The following MGAT4B variants were observed in gnomAD, a reference collection of about 807,000 sequenced individuals.
The protein encoded by MGAT4B is N-acetylglucosaminyltransferase IVb.
Under a neutral mutation model 73.9 loss-of-function variants are expected in MGAT4B, and 38 were observed. That is an observed-to-expected ratio of 0.51 (90% CI 0.40 to 0.67). The LOEUF (loss-of-function observed/expected upper bound fraction) is 0.67. Ranked by LOEUF, MGAT4B falls within the 30% of genes least tolerant of loss-of-function variation. The pLI is 0.00. For synonymous variants in MGAT4B, 373 were observed against 313.5 expected, an observed-to-expected ratio of 1.19 and a Z score of -2.01; for missense variants, 686 against 735.2, an observed-to-expected ratio of 0.93 and a Z score of 0.77.
rs1325055033 is a variant in MGAT4B, at chr5:179,806,696, C to G, written c.-113G>C. 1 of 130,498 alleles carries G rather than the reference C, an allele frequency of 7.7e-6. No homozygotes were observed. Among genetic ancestry groups the G allele is most frequent in the Non-Finnish European group, 1.4e-5 (1 of 69,438 alleles). 8.1% of individuals were successfully genotyped at this position (130,498 alleles called of 1,614,324 possible). On this transcript the variant is annotated 5_prime_UTR_variant, in exon 1 of 15. Transcript: ENST00000292591. This position sits in a 1 kb window ranked among gnomAD's most constrained non-coding sequence, Gnocchi z 4.6. ...GCGGCGGCGGCAGGGGCCCCGGCCC[C>G]GGGTCGGGGAGGGGCGGGGGGCCCG...
rs556662797 is a variant in MGAT4B, at chr5:179,798,960, G to A, written c.1311C>T (p.Arg437=). The A allele has an allele frequency of 2.5e-6, 4 of 1,613,700 alleles. No individual in the cohort carries two copies. Among genetic ancestry groups the A allele is most frequent in the Non-Finnish European group, 3.4e-6 (4 of 1,180,034 alleles). Residue 437 remains arginine, a synonymous_variant, in exon 11 of 15, where the codon CGC becomes CGT. Transcript: ENST00000292591. The stretch of plus-strand genomic sequence containing the variant: ...GTCTTAGAGGTTGGAAGAAGCGGAA[G>A]CGGATGAAGTCCCCCGCGGCAGGGG... ...AFTPAAGDFI[R]FRFFQPLRLE... is the part of the protein sequence containing the mutation.
At position 179,798,392 on chromosome 5, in the gene MGAT4B, C is replaced by T. The variant is rs537403321; in HGVS notation, c.1465G>A (p.Ala489Thr). ...GGGCTCCGAGGGTACCGGAGGGTGG[C>T]GGTGCGGCCCTCCTGCAGGGCCTCC... is the stretch of plus-strand genomic sequence containing the variant. ...DKEALQEGRTATLRYPRSPDG... is the reference protein window; with the variant it reads ...DKEALQEGRTTTLRYPRSPDG... Residue 489 changes from alanine to threonine, a missense_variant, in exon 13 of 15, where the codon GCC becomes ACC. By Grantham distance (58) the Ala-to-Thr change is moderately conservative. Transcript: ENST00000292591. 266 of 1,612,620 alleles carry T rather than the reference C, an allele frequency of 1.6e-4. No homozygotes were observed. The highest frequency in any genetic ancestry group is 2.1e-4 in the Non-Finnish European group (244 of 1,179,940).
intron 9 of MGAT4B, 61 bp downstream of exon 9, chr5:179,799,445 T>C: frequency 6.2e-7 from 1 of 1,610,924 alleles, no homozygotes; most frequent in Non-Finnish European, 8.5e-7. Flanking sequence ...GGACACAGTT[T>C]GGGGTGGAGG....
Position 179,798,377 on chromosome 5 carries a change from G to A in MGAT4B, c.1480C>T (p.Pro494Ser), listed in dbSNP as rs1211625268. The A allele has an allele frequency of 6.2e-7, 1 of 1,612,944 alleles. No individual in the cohort carries two copies. The highest frequency in any genetic ancestry group is 2.2e-5 in the East Asian group (1 of 44,876). The stretch of plus-strand genomic sequence containing the variant: ...TGGAGGTAGCCGTCGGGGCTCCGAG[G>A]GTACCGGAGGGTGGCGGTGCGGCCC... ...QEGRTATLRY[P>S]RSPDGYLQIG... The change falls in exon 13 of 15, where the codon CCT becomes TCT. Residue 494 changes from proline to serine, a missense_variant. Transcript: ENST00000292591.
chr5:179,798,670 G>A, intron 11 of MGAT4B, 79 bp from the exon 12 acceptor site: 1 of 1,511,592 alleles, frequency 6.6e-7, no homozygotes, highest in South Asian at 1.1e-5. Context: ...AGAAAGGCCA[G>A]GCCTGCGCCA....
chr5:179,801,014 C>G lies in MGAT4B; in HGVS notation c.559-61G>C. ...TGCTGCCCCAAAAGGCCTGGAAGGG[C>G]TTGGAGAAGGGGCACAGGCTTCAGA... On this transcript the variant is annotated intron_variant, in intron 4 of 14. Coordinates refer to ENST00000292591, the MANE Select transcript of MGAT4B (RefSeq NM_014275.5). This position sits in a 1 kb window ranked among gnomAD's most constrained non-coding sequence, Gnocchi z 4.8. 10 of 1,585,712 alleles carry G rather than the reference C, an allele frequency of 6.3e-6. No homozygotes were observed. Among genetic ancestry groups the G allele is most frequent in the Non-Finnish European group, 8.7e-6 (10 of 1,155,354 alleles).
chr5:179,799,367 C>T lies in MGAT4B; in HGVS notation c.1042-57G>A. Reference sequence around the variant, plus strand: ...GCTTAGCCCTCCTTCCTCAACACGGCCTCTCCTGGGGACTACCAGGGCCCT... The same window carrying T: ...GCTTAGCCCTCCTTCCTCAACACGGTCTCTCCTGGGGACTACCAGGGCCCT... On this transcript the variant is annotated intron_variant, in intron 9 of 14. Coordinates refer to ENST00000292591, the MANE Select transcript of MGAT4B (RefSeq NM_014275.5). The T allele has an allele frequency of 3.7e-6, 6 of 1,604,148 alleles. No homozygotes were observed. In the Admixed American group the frequency reaches 5.1e-5, roughly 14 times the overall value.
At chr5:179,802,366 G>A (rs1562618660) in intron 1 of MGAT4B, 10 of 1,285,630 alleles carry the variant, frequency 7.8e-6, no homozygotes, top group South Asian at 2.2e-5. Flanking sequence ...TCCCTCCAGC[G>A]GGTGGGCTAC....
chr5:179,799,175 C>G (rs1756796928), intron 10 of MGAT4B, 28 bp downstream of exon 10: 4 of 1,613,836 alleles, frequency 2.5e-6, no homozygotes, highest in Non-Finnish European at 3.4e-6. Flanking sequence ...TTGATCCCGG[C>G]CTAGGGAGAG....
At position 179,800,222 on chromosome 5, in the gene MGAT4B, T is replaced by C. The variant is rs1756850478; in HGVS notation, c.757A>G (p.Met253Val). Residue 253 changes from methionine to valine, a missense_variant, in exon 7 of 15, where the codon ATG (methionine) becomes GTG (valine). By Grantham distance (21) the Met-to-Val change is conservative (BLOSUM62 1). This residue lies in a region of MGAT4B where 449 missense variants were observed against 536.8 expected (regional missense o/e 0.84). Transcript: ENST00000292591. Reference sequence around the variant, plus strand: ...ATGCCTTTGGACTGCGCGTACATCATGAGGAAGCAGTAATCGAGGTTCTGT... The same window carrying C: ...ATGCCTTTGGACTGCGCGTACATCACGAGGAAGCAGTAATCGAGGTTCTGT... ...TKQNLDYCFLMMYAQSKGIYY... is the reference protein window; with the variant it reads ...TKQNLDYCFLVMYAQSKGIYY... 6.2e-7 allele frequency: 1 copy of C among 1,613,372 alleles called. No homozygotes were observed.
In MGAT4B at chr5:179,798,958, A is replaced by G; in HGVS notation, c.1313T>C (p.Phe438Ser). ...FTPAAGDFIR[F>S]RFFQPLRLER... Reference sequence around the variant, plus strand: ...CAGTCTTAGAGGTTGGAAGAAGCGGAAGCGGATGAAGTCCCCCGCGGCAGG... The same window carrying G: ...CAGTCTTAGAGGTTGGAAGAAGCGGGAGCGGATGAAGTCCCCCGCGGCAGG... Residue 438 changes from phenylalanine to serine, a missense_variant, in exon 11 of 15, where the codon TTC (phenylalanine) becomes TCC (serine). By Grantham distance (155) the Phe-to-Ser change is radical. Coordinates refer to ENST00000292591, the MANE Select transcript of MGAT4B (RefSeq NM_014275.5). 6.2e-7 allele frequency: 1 copy of G among 1,613,676 alleles called. No homozygotes were observed. The highest frequency in any genetic ancestry group is 8.5e-7 in the Non-Finnish European group (1 of 1,180,030).
chr5:179,799,165 T>C, intron 10 of MGAT4B, 38 bp downstream of exon 10: 1 of 1,613,950 alleles, frequency 6.2e-7, no homozygotes, highest in Non-Finnish European at 8.5e-7. Flanking sequence ...GGCCCCGACC[T>C]TGATCCCGGC....
Position 179,801,437 on chromosome 5 carries a change from C to T in MGAT4B, c.455G>A (p.Arg152Gln), listed in dbSNP as rs1268305011. 1 of 1,609,808 alleles carries T rather than the reference C, an allele frequency of 6.2e-7. No individual in the cohort carries two copies. Among genetic ancestry groups the T allele is most frequent in the Non-Finnish European group, 8.5e-7 (1 of 1,177,446 alleles). Residue 152 changes from arginine to glutamine, a missense_variant, in exon 4 of 15, where the codon CGG becomes CAG. Arg to Gln is a conservative substitution (Grantham distance 43). This residue lies in a region of MGAT4B where 449 missense variants were observed against 536.8 expected (regional missense o/e 0.84). Transcript: ENST00000292591. The surrounding 1 kb of genome is among the most constrained non-coding windows in gnomAD (Gnocchi z 4.8). Reference protein sequence around the residue: ...VSVVMGIPSVRREVHSYLTDT... With the variant: ...VSVVMGIPSVQREVHSYLTDT... ...AGTCAGGTACGAGTGCACCTCGCGC[C>T]GCACGCTCGGGATGCCCATCACCAC...
chr5:179,797,850 G>T lies in MGAT4B; in HGVS notation c.*195C>A, dbSNP rs1043343783. 1.5e-5 allele frequency: 11 copies of T among 710,600 alleles called. No homozygotes were observed. The South Asian group carries it at 2.2e-4, about 14-fold the overall frequency. 44.0% of individuals were successfully genotyped at this position (710,600 alleles called of 1,614,324 possible). ...AGTGTGGGGGCCGCCTGCCTCCTCCGCGGCCCGGCGGGCGGGGGCAGCACC... is the reference window on the plus strand; with the variant it reads ...AGTGTGGGGGCCGCCTGCCTCCTCCTCGGCCCGGCGGGCGGGGGCAGCACC... On this transcript the variant is annotated 3_prime_UTR_variant, in exon 15 of 15. Coordinates refer to ENST00000292591, the MANE Select transcript of MGAT4B (RefSeq NM_014275.5).
rs760940543 is a variant in MGAT4B at position 179,799,320 on chromosome 5, G to A, written c.1042-10C>T. 8.1e-6 allele frequency: 13 copies of A among 1,613,158 alleles called. No individual in the cohort carries two copies. The highest frequency in any genetic ancestry group is 1.7e-5 in the Admixed American group (1 of 59,962). ...GCCGGTCACAGTGCTTCTGTGGAGG[G>A]TGGGCAACACCCCAGGGCTCGGCTT... On this transcript the variant is annotated splice_polypyrimidine_tract_variant and intron_variant, in intron 9 of 14. Coordinates refer to ENST00000292591, the MANE Select transcript of MGAT4B (RefSeq NM_014275.5).
At chr5:179,798,630 C>T (rs747059371) in intron 11 of MGAT4B, 39 bp from the exon 12 acceptor site, 74 of 1,604,530 alleles carry the variant, frequency 4.6e-5, no homozygotes, top group Non-Finnish European at 5.8e-5. Flanking sequence ...GCAGGGGCAG[C>T]GTTCCAGCAC....
At position 179,801,764 on chromosome 5, in the gene MGAT4B, C is replaced by T. The variant is rs780937459; in HGVS notation, c.283+20G>A. ...AACCAGCCCGCCCCCGCCTTTTCCC[C>T]CTCCCGCCCCAGACCTCACCTGTTA... On this transcript the variant is annotated intron_variant, in intron 2 of 14. Coordinates refer to ENST00000292591, the MANE Select transcript of MGAT4B (RefSeq NM_014275.5). The surrounding 1 kb of genome is among the most constrained non-coding windows in gnomAD (Gnocchi z 4.8). 1.0e-5 allele frequency: 16 copies of T among 1,564,776 alleles called. No individual in the cohort carries two copies. The highest frequency in any genetic ancestry group is 5.4e-5 in the African/African-American group (4 of 74,304).
At position 179,798,149 on chromosome 5, in the gene MGAT4B, C is replaced by A; in HGVS notation, c.1623+16G>T. The A allele has an allele frequency of 6.3e-7, 1 of 1,588,950 alleles. No homozygotes were observed. Among genetic ancestry groups the A allele is most frequent in the Non-Finnish European group, 8.6e-7 (1 of 1,167,912 alleles). ...TGGCTGCTCCCCGTGCCTGGCCTGGCCCTGCCCAGCCTCACCTCGCTCAGA... is the reference window on the plus strand; with the variant it reads ...TGGCTGCTCCCCGTGCCTGGCCTGGACCTGCCCAGCCTCACCTCGCTCAGA... On this transcript the variant is annotated intron_variant, in intron 14 of 14. Transcript: ENST00000292591.
At position 179,798,945 on chromosome 5, in the gene MGAT4B, T is replaced by C. The variant is rs781571069; in HGVS notation, c.1326A>G (p.Gln442=). 1.9e-5 allele frequency: 31 copies of C among 1,613,126 alleles called. No individual in the cohort carries two copies. Among genetic ancestry groups the C allele is most frequent in the Non-Finnish European group, 2.3e-5 (27 of 1,179,950 alleles). ...AGDFIRFRFF[Q]PLRLERFFFR... ...GCACTGACCGCTCCAGTCTTAGAGG[T>C]TGGAAGAAGCGGAAGCGGATGAAGT... The change falls in exon 11 of 15, where the codon CAA becomes CAG. Residue 442 remains glutamine, a synonymous_variant. Transcript: ENST00000292591.
Sources: gnomAD v4.1 joint callset for allele counts on GRCh38, gnomAD v4.1.1 for gene constraint, gnomAD v4.1.1 regional missense constraint, Gnocchi (gnomAD v3.1) non-coding constraint, MANE v1.5 for transcripts, NCBI Gene and HGNC (gene_info 2026-07-23, HGNC 2026-07-21) for gene names.